CPXM2: variants seen among roughly 807,000 people sequenced by gnomAD.
CPXM2 encodes inactive carboxypeptidase-like protein X2.
In CPXM2, 66 loss-of-function variants were observed where a neutral mutation model predicts 86.1. That is an observed-to-expected ratio of 0.77 (90% CI 0.63 to 0.94). CPXM2 has a LOEUF of 0.94. CPXM2 is among the 40% of genes least tolerant of loss of function. The pLI, the probability that CPXM2 is intolerant of heterozygous loss-of-function variation, is 0.00. For synonymous variants in CPXM2, 388 were observed against 400.2 expected (o/e 0.97, Z 0.36); for missense variants, 948 against 1,026.3 (o/e 0.92, Z 1.04).
upstream of CPXM2, among the ~76,000 whole-genome samples, chr10:123,894,643 C>G (rs1191841919): frequency 6.6e-6 from 1 of 152,134 alleles, no homozygotes; most frequent in African/African-American, 2.4e-5. Context: ...ATTCTTTCTC[C>G]CAACTCTCAC....
intron 13 of CPXM2, chr10:123,750,734 CTG>C: frequency 1.0e-6 from 1 of 985,436 alleles, no homozygotes; most frequent in Non-Finnish European, 1.2e-6. Flanking sequence ...ACGATCAGGA[CTG>C]TGTGTGGGTT....
rs374183184 is a variant in CPXM2, at chr10:123,746,792, C to T, written c.2243G>A (p.Arg748Gln). Residue 748 changes from arginine (R) to glutamine (Q), a missense_variant, in exon 14 of 14, where the codon CGG becomes CAG. Physicochemically the swap from Arg to Gln is conservative, Grantham distance 43. Transcript: ENST00000241305. ...CCCACGCTGTCGTCTCTTCTGCCCC[C>T]GCAGCTTCAGCCGCCTGGCTGGCAG... ...VSLPARRLKL[R>Q]GQKRRQRG The T allele has an allele frequency of 5.7e-5, 92 of 1,614,100 alleles. No individual in the cohort carries two copies. In the Middle Eastern group the frequency reaches 6.6e-4, roughly 12 times the overall value.
At chr10:123,781,860 T>C (rs200340617) in intron 6 of CPXM2, among the ~76,000 whole-genome samples, 1 of 152,072 alleles carries the variant, frequency 6.6e-6, no homozygotes. Flanking sequence ...TGTGCCTGCA[T>C]CCCCACAGCC....
intron 4 of CPXM2, among the ~76,000 whole-genome samples, chr10:123,831,493 G>A (rs141365850): frequency 1.1e-3 from 168 of 152,254 alleles, no homozygotes; most frequent in African/African-American, 3.8e-3. Flanking sequence ...TGCCTTTTGT[G>A]GGCACCATTA....
chr10:123,934,204 C>T (rs146058409), intron 2 of CPXM2, among the ~76,000 whole-genome samples: 31 of 152,246 alleles, frequency 2.0e-4, no homozygotes, highest in African/African-American at 5.5e-4. Flanking sequence ...ATGCACTTCA[C>T]GGGGCTGCCA....
At chr10:123,868,546 T>C (rs1303459154) in intron 2 of CPXM2, among the ~76,000 whole-genome samples, 1 of 151,976 alleles carries the variant, frequency 6.6e-6, no homozygotes, top group African/African-American at 2.4e-5. Context: ...GTACACAAGA[T>C]TTTGCAGCAG....
chr10:123,794,328 C>G (rs1223347197), intron 6 of CPXM2, among the ~76,000 whole-genome samples: 1 of 152,196 alleles, frequency 6.6e-6, no homozygotes, highest in Non-Finnish European at 1.5e-5. Flanking sequence ...ACACATTCAT[C>G]ATATAAGCTA....
chr10:123,843,007 C>T (rs1848417929), intron 3 of CPXM2, among the ~76,000 whole-genome samples: 1 of 152,148 alleles, frequency 6.6e-6, no homozygotes, highest in Admixed American at 6.5e-5. Context: ...GCCCCAAGAC[C>T]AGGGGATACT....
intron 1 of CPXM2, among the ~76,000 whole-genome samples, chr10:123,889,948 AT>A (rs1362403878): frequency 2.0e-5 from 3 of 152,282 alleles, no homozygotes; most frequent in African/African-American, 7.2e-5. Context: ...ATGCATGTGG[AT>A]TTGATTCAAA....
At chr10:123,841,910 T>C (rs1277034436) in intron 4 of CPXM2, among the ~76,000 whole-genome samples, 1 of 152,196 alleles carries the variant, frequency 6.6e-6, no homozygotes, top group Non-Finnish European at 1.5e-5. Context: ...TGATCCTCCA[T>C]TTAGGAACCT....
At chr10:123,926,020 A>G (rs1354245719) in intron 2 of CPXM2, among the ~76,000 whole-genome samples, 3 of 152,226 alleles carry the variant, frequency 2.0e-5, no homozygotes, top group African/African-American at 7.2e-5. Context: ...TCAGGGCTAG[A>G]AGGACTTCCA....
At chr10:123,941,620 T>A (rs1226695281), upstream of CPXM2, among the ~76,000 whole-genome samples, 1 of 152,250 alleles carries the variant, frequency 6.6e-6, no homozygotes, top group Non-Finnish European at 1.5e-5. Flanking sequence ...TAACAGTGAA[T>A]AATGTTAAAA....
intron 2 of CPXM2, among the ~76,000 whole-genome samples, chr10:123,905,379 A>G (rs1453885817): frequency 1.3e-5 from 2 of 152,156 alleles, no homozygotes; most frequent in Admixed American, 6.5e-5. Flanking sequence ...GGGACAGAGC[A>G]CTGGACAAGG....
intron 2 of CPXM2, among the ~76,000 whole-genome samples, chr10:123,938,025 C>T (rs1945738882): frequency 6.6e-6 from 1 of 152,108 alleles, no homozygotes; most frequent in Non-Finnish European, 1.5e-5. Context: ...AATACAGGTA[C>T]ACCACCAAGA....
rs547631102 is a variant in CPXM2, at chr10:123,863,869, C to T, written c.404-1146G>A. Among the ~76,000 whole-genome samples, 121 of 152,296 alleles carry T rather than the reference C, an allele frequency of 7.9e-4. 1 individual carries two copies. Among genetic ancestry groups the T allele is most frequent in the Non-Finnish European group, 1.5e-3 (104 of 68,008 alleles). On this transcript the variant is annotated intron_variant, in intron 2 of 13. Coordinates refer to ENST00000241305, the MANE Select transcript of CPXM2 (RefSeq NM_198148.3). ...TTCACTCTCACCTCAGGACAATGGG[C>T]CCCTGCTGTCGGATGCCATTCGCCT...
chr10:123,912,373 G>A (rs1168171513), intron 2 of CPXM2, among the ~76,000 whole-genome samples: 1 of 148,614 alleles, frequency 6.7e-6, no homozygotes. Context: ...GTAACCCACT[G>A]AACAGGTGAG....
intron 3 of CPXM2, among the ~76,000 whole-genome samples, chr10:123,849,409 TTC>T (rs1218097667): frequency 6.6e-6 from 1 of 151,856 alleles, no homozygotes; most frequent in Admixed American, 6.6e-5. Flanking sequence ...ATCACCTAAT[TTC>T]ATTTATTATA....
Position 123,872,571 on chromosome 10 carries a change from G to A in CPXM2, c.403+7640C>T, listed in dbSNP as rs183952342. On this transcript the variant is annotated intron_variant, in intron 2 of 13. Transcript: ENST00000241305. ...AGGCCTGAAGTTGAGACCTCAGAAC[G>A]AAAATATTTAAAAGACAAAAGGCTG... Among the ~76,000 whole-genome samples the A allele has an allele frequency of 4.6e-5, 7 of 152,266 alleles. No individual in the cohort carries two copies. In the East Asian group the frequency reaches 7.7e-4, roughly 17 times the overall value.
intron 3 of CPXM2, among the ~76,000 whole-genome samples, chr10:123,855,113 T>C (rs1408013949): frequency 1.3e-5 from 2 of 151,932 alleles, no homozygotes; most frequent in African/African-American, 2.4e-5. Context: ...ATTTAAAATA[T>C]TCAGTCCTGT....
Sources: allele counts gnomAD v4.1 joint callset (sites outside exome capture counted in the v4.1 genomes callset), GRCh38; gene constraint gnomAD v4.1.1; transcripts MANE v1.5; gene names NCBI Gene and HGNC (gene_info 2026-07-23, HGNC 2026-07-21).